The following SLC1A1 variants were observed in gnomAD, a reference collection of about 807,000 sequenced individuals.
SLC1A1 encodes solute carrier family 1 member 1.
Under a neutral mutation model 53.3 loss-of-function variants are expected in SLC1A1, and 43 were observed. The ratio of observed to expected loss-of-function variants is 0.81; its 90% CI spans 0.63 to 1.04. The LOEUF (loss-of-function observed/expected upper bound fraction) is 1.04. Ranked by LOEUF, SLC1A1 falls within the 50% of genes least tolerant of loss-of-function variation. The probability of loss-of-function intolerance (pLI) is 0.00; values close to 1 mark genes in which losing one functional copy is unlikely to be tolerated. For synonymous variants in SLC1A1, 307 were observed against 243.2 expected (o/e 1.26, Z -2.44); for missense variants, 748 against 664.9 (o/e 1.12, Z -1.37).
In SLC1A1 at chr9:4,583,868, TCTCTCTCTCTCTCTCA is replaced by T. The variant is rs1428349445; in HGVS notation, c.1328+698_1328+713del. ...TCAACAACACTTCTCTCTCTCTCTC[TCTCTCTCTCTCTCTCA>T]CACACACACACACACACACACACAC... is the stretch of plus-strand genomic sequence containing the variant. On this transcript the variant is annotated intron_variant, in intron 11 of 11. Coordinates refer to ENST00000262352, the MANE Select transcript of SLC1A1 (RefSeq NM_004170.6). This position sits in a 1 kb window ranked among gnomAD's most constrained non-coding sequence, Gnocchi z 4.6. 7.7e-6 allele frequency among the ~76,000 whole-genome samples: 1 copy of T among 129,082 alleles called. No individual in the cohort carries two copies. Among genetic ancestry groups the T allele is most frequent in the Non-Finnish European group, 1.5e-5 (1 of 64,598 alleles). The allele number at this position is 129,082 out of a possible 152,430, so 84.7% of individuals were successfully genotyped here.
At position 4,509,953 on chromosome 9, in the gene SLC1A1, C is replaced by T. The variant is rs141335084; in HGVS notation, c.91+19183C>T. ...GGTTCAAGCAATTCTCTTGCCTCGG[C>T]CTTCCAAGTAGCTGGGATTACAGGC... On this transcript the variant is annotated intron_variant, in intron 1 of 11. Transcript: ENST00000262352. 9.9e-5 allele frequency among the ~76,000 whole-genome samples: 15 copies of T among 152,282 alleles called. No individual in the cohort carries two copies. In the East Asian group the frequency reaches 2.9e-3, roughly 29 times the overall value.
intron 2 of SLC1A1, among the ~76,000 whole-genome samples, chr9:4,553,167 A>G (rs996010100): frequency 3.3e-5 from 5 of 152,126 alleles, no homozygotes; most frequent in African/African-American, 1.2e-4. Context: ...TGGACTTTGG[A>G]AAAGAACAGT....
At chr9:4,499,544 T>C (rs999715770) in intron 1 of SLC1A1, among the ~76,000 whole-genome samples, 6 of 152,208 alleles carry the variant, frequency 3.9e-5, no homozygotes, top group Admixed American at 2.0e-4. Context: ...TGATTTTTGG[T>C]TGTTCTATGC....
At position 4,561,471 on chromosome 9, in the gene SLC1A1, C is replaced by G. The variant is rs762959702; in HGVS notation, c.255C>G (p.Asn85Lys). The G allele has an allele frequency of 1.2e-6, 2 of 1,607,934 alleles. No individual in the cohort carries two copies. The highest frequency in any genetic ancestry group is 1.7e-6 in the Non-Finnish European group (2 of 1,174,412). ...MITGVAALDS[N>K]VSGKIGLRAV... ...CAGGTGTTGCTGCACTGGATTCCAACGTATCCGGAAAAATTGGTCTGCGCG... is the reference window on the plus strand; with the variant it reads ...CAGGTGTTGCTGCACTGGATTCCAAGGTATCCGGAAAAATTGGTCTGCGCG... Residue 85 changes from asparagine (N) to lysine (K), a missense_variant, in exon 3 of 12, where the codon AAC becomes AAG. Asn to Lys is a moderately conservative substitution (Grantham distance 94, BLOSUM62 0). Transcript: ENST00000262352.
At chr9:4,540,014 C>A (rs56369108) in intron 1 of SLC1A1, among the ~76,000 whole-genome samples, 6 of 152,106 alleles carry the variant, frequency 3.9e-5, no homozygotes, top group African/African-American at 1.4e-4. Flanking sequence ...AACATACATT[C>A]TTGTTTTCCT....
Position 4,539,955 on chromosome 9 carries a change from C to G in SLC1A1, c.92-4612C>G, listed in dbSNP as rs138168890. ...GAAATTCTGGGCAGAAGAGGGCAGT[C>G]CCCAGCAAGGGCCTCACTCTGAAGC... On this transcript the variant is annotated intron_variant, in intron 1 of 11. Transcript: ENST00000262352. 2.2e-3 allele frequency among the ~76,000 whole-genome samples: 334 copies of G among 152,280 alleles called. 1 individual carries two copies. Among genetic ancestry groups the G allele is most frequent in the African/African-American group, 7.7e-3 (322 of 41,552 alleles).
chr9:4,514,090 G>C (rs954368698), intron 1 of SLC1A1, among the ~76,000 whole-genome samples: 1 of 152,178 alleles, frequency 6.6e-6, no homozygotes, highest in African/African-American at 2.4e-5. Context: ...TGGCGTGATG[G>C]AGCTGTTCTA....
chr9:4,538,189 C>G (rs1457314905), intron 1 of SLC1A1, among the ~76,000 whole-genome samples: 1 of 152,076 alleles, frequency 6.6e-6, no homozygotes, highest in East Asian at 1.9e-4. Context: ...GACATGTGCC[C>G]AAGGTGGTCA....
rs752178335 is a variant in SLC1A1 at position 4,561,572 on chromosome 9, T to C, written c.325+31T>C. 8.0e-6 allele frequency: 10 copies of C among 1,257,842 alleles called. No homozygotes were observed. In the African/African-American group the frequency reaches 1.0e-4, roughly 13 times the overall value. 77.9% of individuals were successfully genotyped at this position (1,257,842 alleles called of 1,614,324 possible). A position where few individuals can be genotyped will look rare whatever the true frequency, so the allele number is the denominator to read the frequency against. Reference sequence around the variant, plus strand: ...ACTTATTTCTGAATCCTTACTACTTTATGTAATGGTGATTTTTTCATTCGA... The same window carrying C: ...ACTTATTTCTGAATCCTTACTACTTCATGTAATGGTGATTTTTTCATTCGA... On this transcript the variant is annotated intron_variant, in intron 3 of 11. Coordinates refer to ENST00000262352, the MANE Select transcript of SLC1A1 (RefSeq NM_004170.6).
chr9:4,511,412 A>T (rs112131795), intron 1 of SLC1A1, among the ~76,000 whole-genome samples: 2 of 152,126 alleles, frequency 1.3e-5, no homozygotes, highest in African/African-American at 4.8e-5. Flanking sequence ...CTCTCCCCTC[A>T]CGACCTAATC....
intron 1 of SLC1A1, among the ~76,000 whole-genome samples, chr9:4,508,597 C>G (rs7037863): frequency 0.27 from 41,720 of 152,034 alleles, 5,950 homozygotes; most frequent in Admixed American, 0.38. Context: ...TCTCACAAGT[C>G]AGGAGTTACT....
Position 4,549,097 on chromosome 9 carries a change from A to G in SLC1A1, c.232+4390A>G, listed in dbSNP as rs1817716952. Among the ~76,000 whole-genome samples, 2 of 152,318 alleles carry G rather than the reference A, an allele frequency of 1.3e-5. No individual in the cohort carries two copies. The highest frequency in any genetic ancestry group is 1.9e-4 in the East Asian group (1 of 5,188). Reference sequence around the variant, plus strand: ...CTTTACTACTTCCCAAAATTAAACTATGATGATTGGAGCCTCCTATGACCA... The same window carrying G: ...CTTTACTACTTCCCAAAATTAAACTGTGATGATTGGAGCCTCCTATGACCA... On this transcript the variant is annotated intron_variant, in intron 2 of 11. Transcript: ENST00000262352. This position sits in a 1 kb window ranked among gnomAD's most constrained non-coding sequence, Gnocchi z 4.1.
chr9:4,500,013 G>C (rs1011555777), intron 1 of SLC1A1, among the ~76,000 whole-genome samples: 9 of 152,206 alleles, frequency 5.9e-5, no homozygotes, highest in Non-Finnish European at 1.0e-4. Context: ...CTTATAAAGA[G>C]AGAAAGCTTT....
chr9:4,555,041 T>G (rs578007834), intron 2 of SLC1A1, among the ~76,000 whole-genome samples: 6 of 152,346 alleles, frequency 3.9e-5, no homozygotes, highest in African/African-American at 1.4e-4. Flanking sequence ...TTCCTCACAA[T>G]TAACCTAAAG....
In SLC1A1 at chr9:4,568,706, A is replaced by AC. The variant is rs1168457491; in HGVS notation, c.582+939_582+940insC. ...CAAGACTCTTGTTTCAAAAAAAAAA[A>AC]AAAAAACATACACACAAAAAAGCAT... On this transcript the variant is annotated intron_variant, in intron 6 of 11. Coordinates refer to ENST00000262352, the MANE Select transcript of SLC1A1 (RefSeq NM_004170.6). Among the ~76,000 whole-genome samples the AC allele has an allele frequency of 2.6e-5, 4 of 151,900 alleles. No homozygotes were observed. In the East Asian group the frequency reaches 7.7e-4, roughly 29 times the overall value.
chr9:4,492,352 C>T (rs926419289), intron 1 of SLC1A1, among the ~76,000 whole-genome samples: 6 of 151,906 alleles, frequency 3.9e-5, no homozygotes, highest in African/African-American at 9.7e-5. Flanking sequence ...CAAGGTGGCT[C>T]ATGCCTATAA....
chr9:4,536,284 CA>C (rs1006407409), intron 1 of SLC1A1, among the ~76,000 whole-genome samples: 9 of 151,888 alleles, frequency 5.9e-5, no homozygotes. Flanking sequence ...AAAACTTTTG[CA>C]ATCTACTCAT....
intron 2 of SLC1A1, among the ~76,000 whole-genome samples, chr9:4,547,885 G>A (rs1428446738): frequency 1.3e-5 from 2 of 151,090 alleles, no homozygotes; most frequent in Admixed American, 6.6e-5. Flanking sequence ...TTAATTACAT[G>A]TGGGAACATT....
rs1404905550 is a variant in SLC1A1 at position 4,586,288 on chromosome 9, A to G, written c.*730A>G. The G allele has an allele frequency of 6.6e-6, 1 of 152,138 alleles. No homozygotes were observed. The highest frequency in any genetic ancestry group is 2.4e-5 in the African/African-American group (1 of 41,406). 9.4% of individuals were successfully genotyped at this position (152,138 alleles called of 1,614,324 possible). ...GACAGAGATCAGAATTGAACCGTCA[A>G]TGTGAAATAAAGAGTTCTCCTTGTA... On this transcript the variant is annotated 3_prime_UTR_variant, in exon 12 of 12. Transcript: ENST00000262352.
Sources: allele counts gnomAD v4.1 joint callset (sites outside exome capture counted in the v4.1 genomes callset), GRCh38; gene constraint gnomAD v4.1.1; non-coding constraint Gnocchi (gnomAD v3.1); transcripts MANE v1.5; gene names NCBI Gene and HGNC (gene_info 2026-07-23, HGNC 2026-07-21).